The following TNKS variants were observed in gnomAD, a reference collection of about 807,000 sequenced individuals.
TNKS encodes the protein poly [ADP-ribose] polymerase tankyrase-1.
A neutral mutation model predicts 135.8 loss-of-function variants in TNKS; 72 were observed. The observed-to-expected ratio is 0.53, with a 90% CI of 0.44 to 0.64. TNKS has a LOEUF of 0.64. TNKS is among the 30% of genes least tolerant of loss of function. The pLI is 0.00. For synonymous variants in TNKS, 849 were observed against 649.3 expected, an observed-to-expected ratio of 1.31 and a Z score of -4.68; for missense variants, 1,769 against 1,674.0, an observed-to-expected ratio of 1.06 and a Z score of -0.99.
At chr8:9,596,631 A>G (rs1019406325) in intron 2 of TNKS, among the ~76,000 whole-genome samples, 5 of 152,244 alleles carry the variant, frequency 3.3e-5, no homozygotes, top group African/African-American at 7.2e-5. Context: ...CTTACCAAGC[A>G]TTCCCACTGT....
At chr8:9,747,893 G>T in intron 17 of TNKS, 131 bp from the exon 18 acceptor site, 1 of 881,798 alleles carries the variant, frequency 1.1e-6, no homozygotes, top group Non-Finnish European at 1.7e-6. Flanking sequence ...CTTTTTTTTA[G>T]AAGAAACTTC....
chr8:9,697,032 C>T (rs1055400285), intron 5 of TNKS, among the ~76,000 whole-genome samples: 1 of 152,134 alleles, frequency 6.6e-6, no homozygotes, highest in Non-Finnish European at 1.5e-5. Flanking sequence ...AGGCATCACA[C>T]TACCCAAATT....
chr8:9,570,340 C>T (rs1056361489), intron 1 of TNKS, among the ~76,000 whole-genome samples: 1 of 152,096 alleles, frequency 6.6e-6, no homozygotes, highest in Non-Finnish European at 1.5e-5. Context: ...ATGGGGATAG[C>T]AGCAGGTTCA....
intron 2 of TNKS, among the ~76,000 whole-genome samples, chr8:9,584,567 T>G (rs1327046585): frequency 6.6e-6 from 1 of 152,216 alleles, no homozygotes; most frequent in African/African-American, 2.4e-5. Flanking sequence ...TCCTCTACTC[T>G]CCTGTCATTT....
At position 9,706,263 on chromosome 8, in the gene TNKS, A is replaced by C; in HGVS notation, c.1269+10A>C. 6.5e-7 allele frequency: 1 copy of C among 1,549,640 alleles called. No homozygotes were observed. The highest frequency in any genetic ancestry group is 8.7e-7 in the Non-Finnish European group (1 of 1,150,270). On this transcript the variant is annotated intron_variant, in intron 7 of 26. Transcript: ENST00000310430. ...AGAACTGCTACTAAAGGTAAGAGAA[A>C]TTCAGAATATTGAGCATCATTTACT...
chr8:9,780,905 C>T lies in TNKS; in HGVS notation c.*4169C>T, dbSNP rs972191896. ...ACCAGATTTCTGGTTTGGAGAAGTG[C>T]TGGAAAGATTTCAAAGCCTATTCAG... On this transcript the variant is annotated 3_prime_UTR_variant, in exon 27 of 27. Transcript: ENST00000310430. 2 of 152,160 alleles carry T rather than the reference C, an allele frequency of 1.3e-5. No homozygotes were observed. The highest frequency in any genetic ancestry group is 2.4e-5 in the African/African-American group (1 of 41,416). 9.4% of individuals were successfully genotyped at this position (152,160 alleles called of 1,614,324 possible).
intron 22 of TNKS, among the ~76,000 whole-genome samples, chr8:9,764,375 G>C (rs993074845): frequency 2.0e-5 from 3 of 151,892 alleles, no homozygotes; most frequent in Admixed American, 6.6e-5. Flanking sequence ...TTTGTCCAAC[G>C]GGCATTTAAG....
In TNKS at chr8:9,706,235, C is replaced by A; in HGVS notation, c.1251C>A (p.Val417=). The A allele has an allele frequency of 6.4e-7, 1 of 1,571,106 alleles. No homozygotes were observed. The highest frequency in any genetic ancestry group is 1.2e-5 in the South Asian group (1 of 80,734). The change falls in exon 7 of 27, where the codon GTC becomes GTA. Residue 417 remains valine (V), a synonymous_variant. Transcript: ENST00000310430. ...HNACSYGHYE[V]TELLLKHGAC... ...CATGTTCATATGGACATTATGAAGT[C>A]ACAGAACTGCTACTAAAGGTAAGAG...
At chr8:9,757,390 C>A (rs2128831352) in intron 20 of TNKS, among the ~76,000 whole-genome samples, 1 of 152,284 alleles carries the variant, frequency 6.6e-6, no homozygotes, top group Non-Finnish European at 1.5e-5. Context: ...TCTCCTGTAA[C>A]CATTTTGAAC....
At chr8:9,589,631 G>C (rs1477192113) in intron 2 of TNKS, among the ~76,000 whole-genome samples, 3 of 152,216 alleles carry the variant, frequency 2.0e-5, no homozygotes, top group Admixed American at 6.5e-5. Context: ...TCTCAGAGAC[G>C]TTTCCTAGTG....
chr8:9,642,205 G>C (rs766458612), intron 3 of TNKS, among the ~76,000 whole-genome samples: 1 of 146,140 alleles, frequency 6.8e-6, no homozygotes, highest in Non-Finnish European at 1.5e-5. Flanking sequence ...TTATACAAAT[G>C]GCTGATTCTA....
chr8:9,601,684 G>GT (rs1258081425), intron 2 of TNKS, among the ~76,000 whole-genome samples: 1 of 152,062 alleles, frequency 6.6e-6, no homozygotes, highest in Non-Finnish European at 1.5e-5. Context: ...AGCTGAAGTA[G>GT]TTTTTTATCC....
At chr8:9,639,400 C>G (rs1166866364) in intron 3 of TNKS, among the ~76,000 whole-genome samples, 1 of 151,546 alleles carries the variant, frequency 6.6e-6, no homozygotes, top group African/African-American at 2.4e-5. Flanking sequence ...CCACTCATTT[C>G]TCTGTGGGCT....
intron 11 of TNKS, 150 bp downstream of exon 11, chr8:9,710,370 C>A: frequency 1.4e-6 from 1 of 706,620 alleles, no homozygotes; most frequent in South Asian, 1.7e-5. Flanking sequence ...TCCTATAAAG[C>A]TGATTTAGAT....
At chr8:9,717,101 A>ATATATTT (rs1454492300) in intron 11 of TNKS, among the ~76,000 whole-genome samples, 1 of 119,336 alleles carries the variant, frequency 8.4e-6, no homozygotes, top group Admixed American at 8.6e-5. Flanking sequence ...ATATATATAT[A>ATATATTT]TTTTCAGGGA....
chr8:9,712,735 A>T (rs963900956), intron 11 of TNKS, among the ~76,000 whole-genome samples: 5 of 151,398 alleles, frequency 3.3e-5, no homozygotes, highest in African/African-American at 9.7e-5. Context: ...CAAATAATAA[A>T]AAAAAATAGC....
At chr8:9,585,555 CTT>C (rs1048204159) in intron 2 of TNKS, among the ~76,000 whole-genome samples, 17 of 152,258 alleles carry the variant, frequency 1.1e-4, no homozygotes, top group African/African-American at 4.1e-4. Flanking sequence ...AGGCAAAGGA[CTT>C]TTCATTTACA....
intron 26 of TNKS, among the ~76,000 whole-genome samples, chr8:9,770,642 A>G (rs1207561423): frequency 4.6e-5 from 7 of 152,244 alleles, no homozygotes; most frequent in African/African-American, 1.7e-4. Flanking sequence ...CCAAAAACAA[A>G]AACAATTTGT....
intron 5 of TNKS, among the ~76,000 whole-genome samples, chr8:9,681,780 G>C (rs772225039): frequency 6.6e-6 from 1 of 152,052 alleles, no homozygotes; most frequent in African/African-American, 2.4e-5. Flanking sequence ...TTGCAGATCA[G>C]ATTTTTGCAA....
Sources: allele counts gnomAD v4.1 joint callset (sites outside exome capture counted in the v4.1 genomes callset), GRCh38; gene constraint gnomAD v4.1.1; transcripts MANE v1.5; gene names NCBI Gene and HGNC (gene_info 2026-07-23, HGNC 2026-07-21).